SLC6A19: variants seen among roughly 807,000 people sequenced by gnomAD.
SLC6A19 encodes the protein sodium-dependent neutral amino acid transporter B(0)AT1.
SLC6A19 carries 67 observed loss-of-function variants against 68.3 expected under a neutral mutation model. That is an observed-to-expected ratio of 0.98 (90% CI 0.81 to 1.20). The LOEUF is 1.20. Among genes scored for constraint, SLC6A19 ranks in the 50% most tolerant of loss-of-function variants. SLC6A19 has a pLI of 0.00. For synonymous variants in SLC6A19, 392 were observed against 374.9 expected (o/e 1.05, Z -0.53); for missense variants, 813 against 851.6 (o/e 0.95, Z 0.56).
At chr5:1,205,220 C>T (rs971936086) in intron 1 of SLC6A19, among the ~76,000 whole-genome samples, 8 of 152,370 alleles carry the variant, frequency 5.3e-5, no homozygotes, top group Non-Finnish European at 7.3e-5. Flanking sequence ...GGGCGCTGGC[C>T]GCCCCTTTCC....
At position 1,209,638 on chromosome 5, in the gene SLC6A19, A is replaced by G. The variant is rs534020469; in HGVS notation, c.343+752A>G. On this transcript the variant is annotated intron_variant, in intron 2 of 11. Transcript: ENST00000304460. The surrounding 1 kb of genome is among the most constrained non-coding windows in gnomAD (Gnocchi z 5.5). ...CTCTTCCTCTCTCTCTGTCTCTGTCATTCTCTCTTTCCCCTCCTATTCTCT... is the reference window on the plus strand; with the variant it reads ...CTCTTCCTCTCTCTCTGTCTCTGTCGTTCTCTCTTTCCCCTCCTATTCTCT... Among the ~76,000 whole-genome samples the G allele has an allele frequency of 6.9e-6, 1 of 144,412 alleles. No homozygotes were observed. Among genetic ancestry groups the G allele is most frequent in the Admixed American group, 6.8e-5 (1 of 14,612 alleles). 94.7% of individuals were successfully genotyped at this position (144,412 alleles called of 152,430 possible).
chr5:1,204,622 C>A (rs927721838), intron 1 of SLC6A19, among the ~76,000 whole-genome samples: 1 of 152,214 alleles, frequency 6.6e-6, no homozygotes, highest in African/African-American at 2.4e-5. Context: ...CGTGTGTCCC[C>A]GTCAGTGGCT....
At chr5:1,216,031 G>A (rs770955993) in intron 6 of SLC6A19, among the ~76,000 whole-genome samples, 7 of 152,216 alleles carry the variant, frequency 4.6e-5, no homozygotes, top group Admixed American at 6.5e-5. Context: ...AGCATCAACC[G>A]AAATGGGAAG....
intron 3 of SLC6A19, among the ~76,000 whole-genome samples, chr5:1,210,806 C>T (rs1170487480): frequency 1.3e-5 from 2 of 152,184 alleles, no homozygotes; most frequent in Non-Finnish European, 2.9e-5. Flanking sequence ...AGCGTGGGAG[C>T]CCGGGGGGGC....
At chr5:1,218,392 C>T (rs1746264641) in intron 8 of SLC6A19, among the ~76,000 whole-genome samples, 2 of 152,144 alleles carry the variant, frequency 1.3e-5, no homozygotes, top group Admixed American at 1.3e-4. Flanking sequence ...CGTGATGGGC[C>T]GGGGCCTGGT....
rs113860722 is a variant in SLC6A19 at position 1,218,747 on chromosome 5, C to A, written c.1174-156C>A. The stretch of plus-strand genomic sequence containing the variant: ...ATGCATAGTTCGGCTTTTGAAAATA[C>A]ACTTTGGGCCTAAAAGACAAGATCT... On this transcript the variant is annotated intron_variant, in intron 8 of 11. Transcript: ENST00000304460. 0.026 allele frequency among the ~76,000 whole-genome samples: 3,973 copies of A among 152,280 alleles called. 181 individuals carry two copies. The highest frequency in any genetic ancestry group is 0.091 in the African/African-American group (3,783 of 41,536).
intron 1 of SLC6A19, among the ~76,000 whole-genome samples, chr5:1,204,940 C>T (rs1208605077): frequency 2.0e-5 from 3 of 152,240 alleles, no homozygotes; most frequent in South Asian, 2.1e-4. Flanking sequence ...TTAGTCCCTG[C>T]GTGAGAACTG....
intron 8 of SLC6A19, among the ~76,000 whole-genome samples, chr5:1,217,500 G>A (rs1417592888): frequency 6.6e-6 from 1 of 152,212 alleles, no homozygotes; most frequent in Non-Finnish European, 1.5e-5. Flanking sequence ...TTCTTTTGGG[G>A]AGCCACCCCA....
chr5:1,221,811 G>A lies in SLC6A19; in HGVS notation c.1812G>A (p.Lys604=). ...SLTIPGYAIY[K]LIRNHCQKPG... Reference sequence around the variant, plus strand: ...CCATCCCTGGCTATGCCATCTACAAGCTCATCAGGAACCACTGCCAGAAGC... The same window carrying A: ...CCATCCCTGGCTATGCCATCTACAAACTCATCAGGAACCACTGCCAGAAGC... The change falls in exon 12 of 12, where the codon AAG becomes AAA. Residue 604 remains lysine, a synonymous_variant. Coordinates refer to ENST00000304460, the MANE Select transcript of SLC6A19 (RefSeq NM_001003841.3). The A allele has an allele frequency of 6.2e-7, 1 of 1,614,226 alleles. No homozygotes were observed. The highest frequency in any genetic ancestry group is 1.1e-5 in the South Asian group (1 of 91,088).
Position 1,219,073 on chromosome 5 carries a change from C to T in SLC6A19, c.1344C>T (p.Val448=), listed in dbSNP as rs1746285927. The T allele has an allele frequency of 1.2e-6, 2 of 1,613,900 alleles. No homozygotes were observed. The highest frequency in any genetic ancestry group is 1.7e-6 in the Non-Finnish European group (2 of 1,179,940). The change falls in exon 9 of 12, where the codon GTC becomes GTT. Residue 448 remains valine, a synonymous_variant. Transcript: ENST00000304460. ...GVVVPLQDLR[V]IPPKWPKEVL... Reference sequence around the variant, plus strand: ...TTGTGCCCCTGCAGGACCTCAGAGTCATCCCCCCGAAGTGGCCCAAGGAGG... The same window carrying T: ...TTGTGCCCCTGCAGGACCTCAGAGTTATCCCCCCGAAGTGGCCCAAGGAGG...
chr5:1,210,432 G>A lies in SLC6A19; in HGVS notation c.344-12G>A, dbSNP rs533457634. The A allele has an allele frequency of 1.2e-6, 2 of 1,612,606 alleles. No homozygotes were observed. Among genetic ancestry groups the A allele is most frequent in the African/African-American group, 2.7e-5 (2 of 75,068 alleles). On this transcript the variant is annotated splice_polypyrimidine_tract_variant and intron_variant, in intron 2 of 11. Coordinates refer to ENST00000304460, the MANE Select transcript of SLC6A19 (RefSeq NM_001003841.3). Reference sequence around the variant, plus strand: ...GCCTCGGCCCCAAGCCTCAGCAGCAGCCTCCCTGCAGGCCTGGCCTCCATG... The same window carrying A: ...GCCTCGGCCCCAAGCCTCAGCAGCAACCTCCCTGCAGGCCTGGCCTCCATG...
intron 2 of SLC6A19, among the ~76,000 whole-genome samples, 153 bp from the exon 3 acceptor site, chr5:1,210,291 T>A (rs941728099): frequency 2.0e-5 from 3 of 152,196 alleles, no homozygotes; most frequent in African/African-American, 4.8e-5. Flanking sequence ...AGCTGCATGA[T>A]CCCGGCCTGC....
At position 1,212,642 on chromosome 5, in the gene SLC6A19, T is replaced by G. The variant is rs1746076553; in HGVS notation, c.663+158T>G. On this transcript the variant is annotated intron_variant, in intron 4 of 11. Transcript: ENST00000304460. The surrounding 1 kb of genome is among the most constrained non-coding windows in gnomAD (Gnocchi z 5.1). ...GAGCTGCCTTTGCCCTTAGGCTCAC[T>G]GGCCTGGGCGGGAGGGGCCCTGCCT... Among the ~76,000 whole-genome samples the G allele has an allele frequency of 6.6e-6, 1 of 152,016 alleles. No homozygotes were observed. Among genetic ancestry groups the G allele is most frequent in the Non-Finnish European group, 1.5e-5 (1 of 67,982 alleles).
intron 1 of SLC6A19, among the ~76,000 whole-genome samples, chr5:1,206,736 G>T (rs182473802): frequency 1.3e-5 from 2 of 152,120 alleles, no homozygotes; most frequent in African/African-American, 4.8e-5. Flanking sequence ...CCAGGGACAC[G>T]CAGCGTGAGG....
intron 3 of SLC6A19, among the ~76,000 whole-genome samples, chr5:1,211,888 A>T (rs1407928891): frequency 7.7e-6 from 1 of 129,648 alleles, no homozygotes; most frequent in Non-Finnish European, 1.6e-5. Flanking sequence ...GAGTACAGTC[A>T]CACTTGTGTG....
chr5:1,212,531 G>A lies in SLC6A19; in HGVS notation c.663+47G>A. On this transcript the variant is annotated intron_variant, in intron 4 of 11. Coordinates refer to ENST00000304460, the MANE Select transcript of SLC6A19 (RefSeq NM_001003841.3). The surrounding 1 kb of genome is among the most constrained non-coding windows in gnomAD (Gnocchi z 5.1). ...GCTGCAGGTGCTCCAGAGGGCGGGTGCGGGCAGCCCTGCCTCCGGCCGGCT... is the reference window on the plus strand; with the variant it reads ...GCTGCAGGTGCTCCAGAGGGCGGGTACGGGCAGCCCTGCCTCCGGCCGGCT... The A allele has an allele frequency of 1.3e-6, 2 of 1,598,576 alleles. No homozygotes were observed.
At chr5:1,203,191 T>C (rs946097780) in intron 1 of SLC6A19, among the ~76,000 whole-genome samples, 3 of 152,184 alleles carry the variant, frequency 2.0e-5, no homozygotes, top group Non-Finnish European at 4.4e-5. Flanking sequence ...GGGTTGGGAC[T>C]GCCTGAGCCT....
intron 1 of SLC6A19, among the ~76,000 whole-genome samples, chr5:1,206,284 CTCTCTCTGTTTCTGTCTGTGTG>C (rs970378522): frequency 8.5e-5 from 13 of 152,182 alleles, no homozygotes; most frequent in African/African-American, 3.1e-4. Context: ...TCTCCTCTGT[CTCTCTCTGTTTCTGTCTGTGTG>C]TGTGTCTCTC....
rs971167119 is a variant in SLC6A19, at chr5:1,223,140, A to G, written c.*1236A>G. 2 of 152,244 alleles carry G rather than the reference A, an allele frequency of 1.3e-5. No homozygotes were observed. Among genetic ancestry groups the G allele is most frequent in the Non-Finnish European group, 2.9e-5 (2 of 68,042 alleles). The allele number at this position is 152,244 out of a possible 1,614,324, so 9.4% of individuals were successfully genotyped here. ...CCGCATCCACCGGGGCCCTGCCTCC[A>G]GTCGGCCGCTGCCGAGTCTCTGCGT... On this transcript the variant is annotated 3_prime_UTR_variant, in exon 12 of 12. Transcript: ENST00000304460.
Sources: allele counts gnomAD v4.1 joint callset (sites outside exome capture counted in the v4.1 genomes callset), GRCh38; gene constraint gnomAD v4.1.1; non-coding constraint Gnocchi (gnomAD v3.1); transcripts MANE v1.5; gene names NCBI Gene and HGNC (gene_info 2026-07-23, HGNC 2026-07-21).